Variants in KANTR observed in about 807,000 individuals in gnomAD.
KANTR encodes the protein KANTR integral membrane protein, also known as KDM5C adjacent transcript.
rs1214684203 is a variant in KANTR, at chrX:53,139,410, G to A, written n.204-2438G>A. On this transcript the variant is annotated intron_variant and non_coding_transcript_variant, in intron 2 of 2. Coordinates refer to the KANTR transcript ENST00000366185. ...GCAAAATTAAGGATTTGTGCTCAAT[G>A]AAAGACACTATGGACAAAAGTAAGA... Among the ~76,000 whole-genome samples the A allele has an allele frequency of 2.7e-5, 3 of 112,008 alleles. No individual in the cohort carries two copies. The East Asian group carries it at 8.4e-4, about 31-fold the overall frequency.
chrX:53,124,044 G>A (rs1933260119), exon 3 of KANTR: 3 of 206,452 alleles, frequency 1.5e-5, no homozygotes, highest in Non-Finnish European at 1.6e-5. Context: ...CATACCAAGT[G>A]GAAGAATCTG....
At chrX:53,114,586 A>G (rs1393373109) in intron 2 of KANTR, among the ~76,000 whole-genome samples, 11 of 112,006 alleles carry the variant, frequency 9.8e-5, no homozygotes, top group Admixed American at 9.5e-5. Context: ...GTCTGGGTCC[A>G]TGGGGTTTGG....
intron 2 of KANTR, among the ~76,000 whole-genome samples, chrX:53,105,493 CTTT>C (rs148737823): frequency 2.1e-5 from 2 of 95,746 alleles, no homozygotes. Flanking sequence ...TGCAGGACTT[CTTT>C]TTTTTTTTTT....
At chrX:53,136,235 T>TTTTGTTTG (rs201565988) in intron 2 of KANTR, among the ~76,000 whole-genome samples, 1 of 111,105 alleles carries the variant, frequency 9.0e-6, no homozygotes, top group Non-Finnish European at 1.9e-5. Flanking sequence ...GTTTGTTTCT[T>TTTTGTTTG]TTTGTTTGTT....
intron 2 of KANTR, 117 bp from the exon 3 acceptor site, chrX:53,123,347 CTTTTT>C (rs1400934595): frequency 2.7e-5 from 3 of 111,642 alleles, no homozygotes; most frequent in Non-Finnish European, 5.6e-5. Flanking sequence ...AACAGCTTTT[CTTTTT>C]GTTTCACTGA....
chrX:53,139,077 C>T (rs1317162960), intron 2 of KANTR, among the ~76,000 whole-genome samples: 2 of 108,821 alleles, frequency 1.8e-5, no homozygotes, highest in Non-Finnish European at 3.8e-5. Context: ...AAAAATTAGC[C>T]GGGTGTGGTG....
At chrX:53,144,568 T>C (rs782394974), downstream of KANTR, among the ~76,000 whole-genome samples, 2 of 110,924 alleles carry the variant, frequency 1.8e-5, no homozygotes, top group African/African-American at 6.6e-5. Flanking sequence ...TGGTGGTACA[T>C]GCCTATAATC....
chrX:53,134,316 C>T (rs1556817363), intron 2 of KANTR, among the ~76,000 whole-genome samples: 2 of 109,677 alleles, frequency 1.8e-5, no homozygotes, highest in South Asian at 7.9e-4. Context: ...GAGCTGAGAT[C>T]GTGCCACTGC....
At chrX:53,100,626 C>T (rs947719933) in intron 2 of KANTR, among the ~76,000 whole-genome samples, 1 of 111,125 alleles carries the variant, frequency 9.0e-6, no homozygotes, top group African/African-American at 3.3e-5. Context: ...AGTGAAACCC[C>T]GTCTCTACTA....
chrX:53,128,126 C>T (rs1339006138), downstream of KANTR, among the ~76,000 whole-genome samples: 3 of 111,674 alleles, frequency 2.7e-5, no homozygotes, highest in Admixed American at 9.5e-5. Context: ...GATACTAATT[C>T]TGTTGTCTAA....
downstream of KANTR, among the ~76,000 whole-genome samples, chrX:53,147,033 T>C (rs1280315367): frequency 1.3e-4 from 14 of 111,966 alleles, no homozygotes; most frequent in Non-Finnish European, 2.6e-4. Context: ...GTAAAGACCA[T>C]TGAGGCTAGG....
intron 2 of KANTR, among the ~76,000 whole-genome samples, chrX:53,118,054 G>A (rs1045026915): frequency 1.8e-5 from 2 of 112,091 alleles, no homozygotes; most frequent in African/African-American, 3.2e-5. Context: ...CCATTCATCC[G>A]TTGTTGGACA....
At chrX:53,136,719 T>A (rs1556817727) in intron 2 of KANTR, among the ~76,000 whole-genome samples, 1 of 46,040 alleles carries the variant, frequency 2.2e-5, no homozygotes, top group East Asian at 8.7e-4. Flanking sequence ...TATATATATA[T>A]ATATATATAT....
chrX:53,142,810 T>C (rs781939536), downstream of KANTR: 10 of 477,298 alleles, frequency 2.1e-5, no homozygotes, highest in Non-Finnish European at 3.9e-5. Flanking sequence ...CTAACCCACA[T>C]GCTTGCAGTC....
At chrX:53,124,142 G>A (rs185173531) in exon 3 of KANTR, 161 of 290,729 alleles carry the variant, frequency 5.5e-4, no homozygotes, top group Non-Finnish European at 2.9e-4. Context: ...AACTGTTGAG[G>A]ATTTCTTTTT....
chrX:53,108,574 A>G (rs111769357), intron 2 of KANTR, among the ~76,000 whole-genome samples: 2,671 of 112,056 alleles, frequency 0.024, 95 homozygotes, highest in African/African-American at 0.082. Context: ...TTGATCCTCT[A>G]TCATATGACA....
At chrX:53,095,407 A>G (rs1480754972) in intron 1 of KANTR, among the ~76,000 whole-genome samples, 2 of 108,930 alleles carry the variant, frequency 1.8e-5, no homozygotes, top group Non-Finnish European at 3.8e-5. Context: ...TTTTCTTGCT[A>G]TGCTTTGGTC....
chrX:53,094,919 C>A (rs1556810597), intron 1 of KANTR: 1 of 112,691 alleles, frequency 8.9e-6, no homozygotes, highest in Non-Finnish European at 1.9e-5. Context: ...TTGGATCTTT[C>A]TGAATGCTTC....
chrX:53,113,097 C>A, intron 2 of KANTR: 1 of 273,752 alleles, frequency 3.7e-6, no homozygotes. Context: ...GACCTTTTGG[C>A]GATCTTCTTC....
Sources: allele counts gnomAD v4.1 joint callset (sites outside exome capture counted in the v4.1 genomes callset), GRCh38; gene constraint gnomAD v4.1.1; transcripts MANE v1.5; gene names NCBI Gene and HGNC (gene_info 2026-07-23, HGNC 2026-07-21).